DPP6: variants seen among roughly 807,000 people sequenced by gnomAD.
DPP6 encodes the protein A-type potassium channel modulatory protein DPP6.
DPP6 carries 69 observed loss-of-function variants against 122.6 expected under a neutral mutation model. The ratio of observed to expected loss-of-function variants is 0.56; its 90% confidence interval spans 0.46 to 0.69. DPP6 has a LOEUF of 0.69. Among genes scored for constraint, DPP6 ranks in the 30% least tolerant of loss-of-function variants. The pLI, the probability that DPP6 is intolerant of heterozygous loss-of-function variation, is 0.00. For synonymous variants in DPP6, 418 were observed against 433.1 expected (o/e 0.97, Z 0.43); for missense variants, 928 against 1,116.9 (o/e 0.83, Z 2.41).
chr7:154,274,532 G>A (rs1804002082), intron 1 of DPP6, among the ~76,000 whole-genome samples: 2 of 152,164 alleles, frequency 1.3e-5, no homozygotes, highest in Admixed American at 1.3e-4. Context: ...TTCACCTCTT[G>A]GCAACCAGAA....
chr7:153,883,669 C>T (rs111926127), upstream of DPP6, among the ~76,000 whole-genome samples: 7 of 152,282 alleles, frequency 4.6e-5, no homozygotes, highest in East Asian at 3.9e-4. Flanking sequence ...CGTGAGCCAC[C>T]GCACCTGGAC....
At chr7:154,394,292 A>G (rs890646690) in intron 1 of DPP6, among the ~76,000 whole-genome samples, 1 of 152,154 alleles carries the variant, frequency 6.6e-6, no homozygotes, top group African/African-American at 2.4e-5. Context: ...TAGCCATCCT[A>G]CTAAAGAGGA....
At chr7:153,764,754 T>C in the DPP6 span, among the ~76,000 whole-genome samples, 1 of 151,036 alleles carries the variant, frequency 6.6e-6, no homozygotes, top group Non-Finnish European at 1.5e-5. Flanking sequence ...CCTTACAAAA[T>C]GGCTCTTGGG....
chr7:153,867,928 G>T, the DPP6 span, among the ~76,000 whole-genome samples: 1 of 152,200 alleles, frequency 6.6e-6, no homozygotes, highest in East Asian at 1.9e-4. Flanking sequence ...TTTGTCTTTG[G>T]TTCTGTTTAT....
intron 1 of DPP6, among the ~76,000 whole-genome samples, chr7:154,116,460 C>A (rs1219673877): frequency 1.3e-5 from 2 of 152,198 alleles, no homozygotes; most frequent in African/African-American, 4.8e-5. Context: ...TGATTTGCAG[C>A]AGTTCATTTG....
rs192787525 is a variant in DPP6 at position 154,732,133 on chromosome 7, G to C, written c.883+4246G>C. Among the ~76,000 whole-genome samples, 5 of 151,894 alleles carry C rather than the reference G, an allele frequency of 3.3e-5. No homozygotes were observed. In the South Asian group the frequency reaches 1.0e-3, roughly 32 times the overall value. ...GGCTCACTGCAAGCTCCGCCTCCCA[G>C]GGTCACACCATTCTCCTGCCTCAGC... On this transcript the variant is annotated intron_variant, in intron 8 of 25. Coordinates refer to ENST00000377770, the MANE Select transcript of DPP6 (RefSeq NM_130797.4).
chr7:154,834,261 A>G (rs1275389250), intron 16 of DPP6, among the ~76,000 whole-genome samples: 1 of 151,116 alleles, frequency 6.6e-6, no homozygotes, highest in Non-Finnish European at 1.5e-5. Context: ...TTAAGTCAGG[A>G]GTTCAAGACC....
At chr7:154,763,829 G>A (rs1194055601) in intron 8 of DPP6, among the ~76,000 whole-genome samples, 1 of 152,194 alleles carries the variant, frequency 6.6e-6, no homozygotes, top group Non-Finnish European at 1.5e-5. Context: ...GGTGCGGCAG[G>A]AGGGTGTGGG....
chr7:153,822,315 G>C, the DPP6 span, among the ~76,000 whole-genome samples: 1 of 150,102 alleles, frequency 6.7e-6, no homozygotes, highest in African/African-American at 2.5e-5. Context: ...TCAGCCTCCC[G>C]AGTAGCTGGG....
chr7:153,849,288 T>TG, the DPP6 span, among the ~76,000 whole-genome samples: 1 of 148,226 alleles, frequency 6.7e-6, no homozygotes, highest in African/African-American at 2.5e-5. Context: ...TTTTTTTTTT[T>TG]GAATACTCTG....
At chr7:154,177,238 A>T (rs1198770246) in intron 1 of DPP6, among the ~76,000 whole-genome samples, 1 of 152,200 alleles carries the variant, frequency 6.6e-6, no homozygotes, top group Non-Finnish European at 1.5e-5. Context: ...ATAGAAATGG[A>T]TGGCTTCAAT....
chr7:154,495,389 GT>G (rs34693163), intron 3 of DPP6, among the ~76,000 whole-genome samples: 92,493 of 147,710 alleles, frequency 0.63, 29,200 homozygotes, highest in East Asian at 0.9. Flanking sequence ...GTTTGTTGTG[GT>G]TTTTTTTTTT....
At chr7:154,020,594 A>G (rs1052630374) in intron 1 of DPP6, among the ~76,000 whole-genome samples, 1 of 152,222 alleles carries the variant, frequency 6.6e-6, no homozygotes, top group Non-Finnish European at 1.5e-5. Context: ...CAGTTCAGCA[A>G]GCATTCTTGC....
At chr7:154,143,370 T>C (rs1795937075) in intron 1 of DPP6, among the ~76,000 whole-genome samples, 1 of 151,854 alleles carries the variant, frequency 6.6e-6, no homozygotes, top group Admixed American at 6.6e-5. Flanking sequence ...TTTGAAAGTC[T>C]TTGAGTGAAT....
At chr7:154,424,949 CCGTGGTTATTGCATTCT>C (rs1817765082) in intron 1 of DPP6, among the ~76,000 whole-genome samples, 1 of 152,158 alleles carries the variant, frequency 6.6e-6, no homozygotes, top group Non-Finnish European at 1.5e-5. Context: ...ATTTGCTTTG[CCGTGGTTATTGCATTCT>C]CGTTGATTGA....
chr7:154,571,888 T>G (rs1363486700), intron 5 of DPP6, among the ~76,000 whole-genome samples: 2 of 152,218 alleles, frequency 1.3e-5, no homozygotes, highest in African/African-American at 4.8e-5. Flanking sequence ...CATCCCAGTT[T>G]CTGCTGGTCG....
the DPP6 span, among the ~76,000 whole-genome samples, chr7:153,822,834 T>C: frequency 2.6e-5 from 4 of 152,258 alleles, no homozygotes; most frequent in African/African-American, 9.6e-5. Flanking sequence ...TGTTCCTTTA[T>C]GGATTGCATA....
chr7:153,989,229 G>C (rs1339623125), intron 1 of DPP6, among the ~76,000 whole-genome samples: 3 of 133,982 alleles, frequency 2.2e-5, no homozygotes, highest in African/African-American at 5.5e-5. Context: ...GAAAGTGTGA[G>C]CGTGTCACAG....
At chr7:154,841,880 G>A (rs1271356233) in intron 16 of DPP6, among the ~76,000 whole-genome samples, 2 of 152,050 alleles carry the variant, frequency 1.3e-5, no homozygotes, top group Non-Finnish European at 2.9e-5. Context: ...GAGTGGAGGG[G>A]GTGGGGACAG....
Sources: gnomAD v4.1 joint callset for allele counts (sites outside exome capture counted in the v4.1 genomes callset) on GRCh38, gnomAD v4.1.1 for gene constraint, MANE v1.5 for transcripts, NCBI Gene and HGNC (gene_info 2026-07-23, HGNC 2026-07-21) for gene names.